Variants in RTP2 observed in about 807,000 individuals in gnomAD.
RTP2 encodes receptor-transporting protein 2.
In RTP2, 12 loss-of-function variants were observed where a neutral mutation model predicts 17.9. The ratio of observed to expected loss-of-function variants is 0.67; its 90% CI spans 0.43 to 1.09. The LOEUF (loss-of-function observed/expected upper bound fraction) is 1.09. Among genes scored for constraint, RTP2 ranks in the 50% least tolerant of loss-of-function variants. The pLI is 0.00. For synonymous variants in RTP2, 126 were observed against 117.7 expected (o/e 1.07, Z -0.46); for missense variants, 327 against 295.7 (o/e 1.11, Z -0.78).
upstream of RTP2, among the ~76,000 whole-genome samples, chr3:187,704,753 C>A (rs897252468): frequency 6.6e-6 from 1 of 152,110 alleles, no homozygotes; most frequent in African/African-American, 2.4e-5. Context: ...TTAGGAAGGC[C>A]TCTCCATCCC....
upstream of RTP2, chr3:187,702,568 A>T: frequency 2.2e-6 from 1 of 457,282 alleles, no homozygotes; most frequent in Non-Finnish European, 4.4e-6. Flanking sequence ...GAAGTCAAGG[A>T]GAAATGAGGG....
intron 1 of RTP2, among the ~76,000 whole-genome samples, chr3:187,701,305 C>T (rs1268513562): frequency 6.6e-6 from 1 of 152,188 alleles, no homozygotes; most frequent in Admixed American, 6.5e-5. Context: ...GAGTGGGACC[C>T]TGGGCTCTAA....
At chr3:187,709,919 A>G in the RTP2 span, among the ~76,000 whole-genome samples, 1 of 152,132 alleles carries the variant, frequency 6.6e-6, no homozygotes, top group Non-Finnish European at 1.5e-5. Context: ...CAACACATGT[A>G]TGATGAATAA....
chr3:187,712,131 A>C, the RTP2 span, among the ~76,000 whole-genome samples: 1 of 152,208 alleles, frequency 6.6e-6, no homozygotes, highest in Non-Finnish European at 1.5e-5. Context: ...ACATACGCAC[A>C]TACACATACA....
At chr3:187,703,665 A>C (rs559320177), upstream of RTP2, among the ~76,000 whole-genome samples, 6 of 152,336 alleles carry the variant, frequency 3.9e-5, no homozygotes, top group East Asian at 1.2e-3. Context: ...CAGTTACCAG[A>C]CCAGGTGAGA....
chr3:187,702,480 T>A (rs1312428406), exon 1 of RTP2: 4 of 475,896 alleles, frequency 8.4e-6, no homozygotes, highest in South Asian at 4.6e-5. Context: ...AGGCAAGGAC[T>A]ATTTGGTGGC....
At chr3:187,707,190 A>G (rs143336511), upstream of RTP2, among the ~76,000 whole-genome samples, 1 of 152,298 alleles carries the variant, frequency 6.6e-6, no homozygotes, top group East Asian at 1.9e-4. Flanking sequence ...GTCACAAGAG[A>G]ATCAGGCAGA....
chr3:187,704,675 A>G (rs890626208), upstream of RTP2, among the ~76,000 whole-genome samples: 1 of 152,204 alleles, frequency 6.6e-6, no homozygotes, highest in Non-Finnish European at 1.5e-5. Context: ...TGTCTCCGCA[A>G]TTCAAAGAAC....
chr3:187,709,547 T>C, the RTP2 span, among the ~76,000 whole-genome samples: 1 of 152,120 alleles, frequency 6.6e-6, no homozygotes, highest in South Asian at 2.1e-4. Context: ...TGGCCAGGCA[T>C]GGTGGTATGC....
exon 2 of RTP2, chr3:187,698,598 C>A: frequency 1.2e-6 from 2 of 1,614,248 alleles, no homozygotes; most frequent in Non-Finnish European, 1.7e-6. Flanking sequence ...GAAGTTGTAG[C>A]CGGATCCCGC....
At chr3:187,699,199 G>A (rs974583835) in intron 1 of RTP2, among the ~76,000 whole-genome samples, 188 bp from the exon 2 acceptor site, 3 of 152,084 alleles carry the variant, frequency 2.0e-5, no homozygotes, top group Non-Finnish European at 4.4e-5. Context: ...GCACCCCTGG[G>A]ACCCGAGCAG....
At chr3:187,714,790 G>A in the RTP2 span, among the ~76,000 whole-genome samples, 26 of 152,302 alleles carry the variant, frequency 1.7e-4, no homozygotes, top group African/African-American at 6.3e-4. Context: ...AAAGAGACTT[G>A]CTAGGCAGGG....
At chr3:187,700,884 T>G (rs1717827671) in intron 1 of RTP2, among the ~76,000 whole-genome samples, 2 of 152,162 alleles carry the variant, frequency 1.3e-5, no homozygotes, top group Admixed American at 1.3e-4. Flanking sequence ...ACCTCTGGTT[T>G]TCTGTCTTTT....
upstream of RTP2, among the ~76,000 whole-genome samples, chr3:187,704,420 G>T (rs1717938534): frequency 6.6e-6 from 1 of 152,168 alleles, no homozygotes; most frequent in Admixed American, 6.5e-5. Context: ...ATACACCTCT[G>T]CTTCAGAGAT....
At chr3:187,701,477 G>A (rs868044242) in intron 1 of RTP2, among the ~76,000 whole-genome samples, 2 of 152,170 alleles carry the variant, frequency 1.3e-5, no homozygotes, top group African/African-American at 2.4e-5. Flanking sequence ...AGTTTACAAG[G>A]CTACTTAGCT....
chr3:187,707,407 G>C (rs1490887072), upstream of RTP2, among the ~76,000 whole-genome samples: 3 of 152,184 alleles, frequency 2.0e-5, no homozygotes, highest in South Asian at 4.1e-4. Context: ...AGTCAATAAG[G>C]CTTCCACAGA....
rs1434455803 is a variant in RTP2, at chr3:187,698,418, A to G, written c.*80T>C. Reference sequence around the variant, plus strand: ...ACCGGATTGTCCAGTCATATGTTGAATCTGTAGCAGGATCAAGTCCAGACT... The same window carrying G: ...ACCGGATTGTCCAGTCATATGTTGAGTCTGTAGCAGGATCAAGTCCAGACT... On this transcript the variant is annotated 3_prime_UTR_variant, in exon 2 of 2. Coordinates refer to ENST00000358241, the Ensembl canonical transcript of RTP2. 9 of 1,288,744 alleles carry G rather than the reference A, an allele frequency of 7.0e-6. 1 individual carries two copies. The highest frequency in any genetic ancestry group is 9.5e-6 in the Non-Finnish European group (9 of 942,720). 79.8% of individuals were successfully genotyped at this position (1,288,744 alleles called of 1,614,324 possible).
Position 187,698,543 on chromosome 3 carries a change from G to C in RTP2, c.633C>G (p.Leu211=), listed in dbSNP as rs773097914. ...GGAAGGAGAACTGCAGGTAAACAAC[G>C]AGCAGGCAGAGAGAGGCCCAGAAGA... Residue 211 remains leucine, a synonymous_variant, in exon 2 of 2, where the codon CTC becomes CTG. Transcript: ENST00000358241. 12 of 1,613,698 alleles carry C rather than the reference G, an allele frequency of 7.4e-6. No homozygotes were observed. The African/African-American group carries it at 1.5e-4, about 20-fold the overall frequency.
chr3:187,705,859 T>C (rs1361546724), upstream of RTP2, among the ~76,000 whole-genome samples: 1 of 152,222 alleles, frequency 6.6e-6, no homozygotes, highest in Non-Finnish European at 1.5e-5. Flanking sequence ...CCCTTAAGGC[T>C]GGATACTGAC....
Sources: allele counts gnomAD v4.1 joint callset (sites outside exome capture counted in the v4.1 genomes callset), GRCh38; gene constraint gnomAD v4.1.1; transcripts MANE v1.5; gene names NCBI Gene and HGNC (gene_info 2026-07-23, HGNC 2026-07-21).